Variants in ARB2A observed in about 807,000 individuals in gnomAD.
The protein encoded by ARB2A is cotranscriptional regulator ARB2A.
the ARB2A span, among the ~76,000 whole-genome samples, chr5:94,058,736 T>A: frequency 6.6e-6 from 1 of 152,192 alleles, no homozygotes; most frequent in Non-Finnish European, 1.5e-5. Context: ...TAATACATTT[T>A]AAGTGTGTTC....
chr5:93,927,512 A>G, the ARB2A span, among the ~76,000 whole-genome samples: 1 of 152,166 alleles, frequency 6.6e-6, no homozygotes, highest in East Asian at 1.9e-4. Flanking sequence ...TAAACTTCAT[A>G]TGGTGAGGCT....
the ARB2A span, among the ~76,000 whole-genome samples, chr5:93,899,054 T>C: frequency 7.2e-5 from 11 of 152,264 alleles, no homozygotes; most frequent in Non-Finnish European, 1.0e-4. Flanking sequence ...TTTTAGCTTA[T>C]GGTAAATAGT....
chr5:94,001,677 T>G, the ARB2A span, among the ~76,000 whole-genome samples: 1 of 152,098 alleles, frequency 6.6e-6, no homozygotes, highest in Non-Finnish European at 1.5e-5. Context: ...TCTTAGAATT[T>G]CCATCTTTTT....
the ARB2A span, among the ~76,000 whole-genome samples, chr5:94,104,655 G>GC: frequency 6.6e-6 from 1 of 152,024 alleles, no homozygotes; most frequent in African/African-American, 2.4e-5. Context: ...ATTCTATGAA[G>GC]CTAGCATCAT....
At chr5:93,767,200 T>C in the ARB2A span, among the ~76,000 whole-genome samples, 1 of 151,538 alleles carries the variant, frequency 6.6e-6, no homozygotes, top group Non-Finnish European at 1.5e-5. Flanking sequence ...AAAGAAAAAA[T>C]CCCATCAACA....
the ARB2A span, among the ~76,000 whole-genome samples, chr5:93,764,609 A>T: frequency 1.4e-4 from 21 of 152,190 alleles, no homozygotes; most frequent in African/African-American, 4.3e-4. Flanking sequence ...CGAACTCTAC[A>T]AGAGGTACAA....
chr5:93,691,014 T>C, the ARB2A span, among the ~76,000 whole-genome samples: 1 of 151,994 alleles, frequency 6.6e-6, no homozygotes, highest in South Asian at 2.1e-4. Flanking sequence ...AAAAACCCCT[T>C]CTGAAGGTCA....
the ARB2A span, among the ~76,000 whole-genome samples, chr5:93,971,149 C>T: frequency 1.3e-5 from 2 of 152,024 alleles, no homozygotes; most frequent in Admixed American, 6.5e-5. Context: ...CAGGTGCCCA[C>T]GACCACGCTC....
chr5:94,034,228 G>A, the ARB2A span, among the ~76,000 whole-genome samples: 5,645 of 152,256 alleles, frequency 0.037, 224 homozygotes, highest in East Asian at 0.16. Context: ...GTATCTTAAG[G>A]TCAGCTATCT....
the ARB2A span, among the ~76,000 whole-genome samples, chr5:93,651,698 A>G: frequency 6.6e-6 from 1 of 152,224 alleles, no homozygotes; most frequent in Non-Finnish European, 1.5e-5. Context: ...TATTTAAAAA[A>G]TAACTGAATC....
the ARB2A span, chr5:93,736,286 C>G: frequency 6.6e-6 from 1 of 152,114 alleles, no homozygotes; most frequent in East Asian, 1.9e-4. Context: ...TGAAACAATA[C>G]AGCTTATAGG....
the ARB2A span, chr5:93,964,451 G>T: frequency 3.3e-6 from 5 of 1,522,364 alleles, no homozygotes; most frequent in South Asian, 4.8e-5. Flanking sequence ...TTTAAAATTT[G>T]ACTTACTGGA....
the ARB2A span, among the ~76,000 whole-genome samples, chr5:93,950,190 C>T: frequency 6.6e-6 from 1 of 152,130 alleles, no homozygotes; most frequent in East Asian, 1.9e-4. Flanking sequence ...GCAGATATCT[C>T]TTTGATAAAC....
chr5:93,657,226 T>C, the ARB2A span, among the ~76,000 whole-genome samples: 9 of 152,154 alleles, frequency 5.9e-5, 1 homozygote, highest in Admixed American at 2.0e-4. Context: ...TTGATTTTGT[T>C]AGGCATCCGC....
the ARB2A span, among the ~76,000 whole-genome samples, chr5:93,858,945 G>A: frequency 2.6e-5 from 4 of 152,140 alleles, no homozygotes; most frequent in Admixed American, 2.0e-4. Context: ...CTTCAAATTA[G>A]TGAGTGAGGA....
At chr5:94,002,117 T>G in the ARB2A span, among the ~76,000 whole-genome samples, 1 of 151,992 alleles carries the variant, frequency 6.6e-6, no homozygotes, top group African/African-American at 2.4e-5. Context: ...AGGATAGAGT[T>G]GATTGAAGTT....
chr5:93,766,174 C>CA, the ARB2A span, among the ~76,000 whole-genome samples: 58 of 152,078 alleles, frequency 3.8e-4, no homozygotes, highest in Non-Finnish European at 6.8e-4. Flanking sequence ...CAACAAAAGC[C>CA]AAAATCGACA....
the ARB2A span, among the ~76,000 whole-genome samples, chr5:93,821,448 A>G: frequency 7.2e-5 from 11 of 152,304 alleles, no homozygotes; most frequent in East Asian, 1.9e-3. Flanking sequence ...TCATAATTTA[A>G]GATTTACATA....
the ARB2A span, among the ~76,000 whole-genome samples, chr5:93,628,270 C>T: frequency 1.7e-3 from 254 of 151,834 alleles, 4 homozygotes; most frequent in East Asian, 0.046. Flanking sequence ...AAGATGGTCT[C>T]GATCTCTTGA....
Sources: gnomAD v4.1 joint callset for allele counts (sites outside exome capture counted in the v4.1 genomes callset) on GRCh38, gnomAD v4.1.1 for gene constraint, MANE v1.5 for transcripts, NCBI Gene and HGNC (gene_info 2026-07-23, HGNC 2026-07-21) for gene names.